The following ADAMTS6 variants were observed in gnomAD, a reference collection of about 807,000 sequenced individuals.
ADAMTS6 encodes the protein A disintegrin and metalloproteinase with thrombospondin motifs 6.
In ADAMTS6, 23 loss-of-function variants were observed where a neutral mutation model predicts 144.3. The observed-to-expected ratio is 0.16, with a 90% confidence interval of 0.11 to 0.23. ADAMTS6 has a LOEUF of 0.23. ADAMTS6 is among the 10% of genes least tolerant of loss of function. The pLI is 1.00. For synonymous variants in ADAMTS6, 444 were observed against 457.5 expected, an observed-to-expected ratio of 0.97 and a Z score of 0.38; for missense variants, 999 against 1,379.6, an observed-to-expected ratio of 0.72 and a Z score of 4.37.
chr5:65,166,996 T>A (rs928522392), intron 24 of ADAMTS6, among the ~76,000 whole-genome samples: 1 of 145,678 alleles, frequency 6.9e-6, no homozygotes. Context: ...AGCAAACACA[T>A]TCAAAAGCTA....
chr5:65,297,338 T>C (rs541636240), intron 10 of ADAMTS6: 3 of 433,004 alleles, frequency 6.9e-6, no homozygotes, highest in South Asian at 5.0e-5. Flanking sequence ...TTGTATTCTA[T>C]TGGCCATGGA....
intron 7 of ADAMTS6, among the ~76,000 whole-genome samples, chr5:65,379,486 A>G (rs1751844993): frequency 6.6e-6 from 1 of 152,210 alleles, no homozygotes; most frequent in Admixed American, 6.5e-5. Flanking sequence ...GCTTTGCCAT[A>G]TAAATTATGT....
intron 20 of ADAMTS6, chr5:65,210,822 C>A: frequency 2.2e-6 from 1 of 458,840 alleles, no homozygotes; most frequent in South Asian, 3.1e-5. Context: ...TAACTCCAGA[C>A]ATGATGGGGA....
At chr5:65,321,343 T>C (rs1248606374) in intron 9 of ADAMTS6, among the ~76,000 whole-genome samples, 1 of 152,142 alleles carries the variant, frequency 6.6e-6, no homozygotes, top group Non-Finnish European at 1.5e-5. Flanking sequence ...ATGTATGTCT[T>C]GTTTGAAGTG....
At chr5:65,371,639 G>A (rs1390369470) in intron 7 of ADAMTS6, among the ~76,000 whole-genome samples, 7 of 152,256 alleles carry the variant, frequency 4.6e-5, no homozygotes, top group Admixed American at 3.3e-4. Flanking sequence ...CCAAATCTAC[G>A]TCTGATTGGT....
At chr5:65,480,152 C>G (rs1761103282) in intron 1 of ADAMTS6, among the ~76,000 whole-genome samples, 1 of 152,110 alleles carries the variant, frequency 6.6e-6, no homozygotes, top group Non-Finnish European at 1.5e-5. Flanking sequence ...ACATTTCAGT[C>G]TAATCAACAG....
At chr5:65,220,308 C>G (rs918818660) in intron 18 of ADAMTS6, among the ~76,000 whole-genome samples, 5 of 151,782 alleles carry the variant, frequency 3.3e-5, no homozygotes, top group Non-Finnish European at 7.4e-5. Flanking sequence ...TATCATATGT[C>G]TGACAAAATT....
chr5:65,436,998 C>T (rs1757470469), intron 7 of ADAMTS6, among the ~76,000 whole-genome samples: 2 of 152,156 alleles, frequency 1.3e-5, no homozygotes, highest in Admixed American at 1.3e-4. Flanking sequence ...ACTTACAGTT[C>T]CACATGGCCG....
At chr5:65,156,329 AAAAC>A (rs1046054518) in intron 24 of ADAMTS6, among the ~76,000 whole-genome samples, 7 of 152,138 alleles carry the variant, frequency 4.6e-5, no homozygotes, top group African/African-American at 1.7e-4. Flanking sequence ...AAAACAAAAC[AAAAC>A]AAACAAAAAA....
At chr5:65,415,836 G>A (rs1755463483) in intron 7 of ADAMTS6, 2 of 242,956 alleles carry the variant, frequency 8.2e-6, no homozygotes, top group South Asian at 9.4e-5. Context: ...TTGTCCCTGT[G>A]TGCACAGGCT....
At chr5:65,191,203 G>T (rs1051305471) in intron 21 of ADAMTS6, among the ~76,000 whole-genome samples, 1 of 151,956 alleles carries the variant, frequency 6.6e-6, no homozygotes, top group African/African-American at 2.4e-5. Flanking sequence ...ACAATTAGTG[G>T]GATTCATGTT....
intron 7 of ADAMTS6, among the ~76,000 whole-genome samples, chr5:65,421,031 G>C (rs544966244): frequency 6.6e-6 from 1 of 152,162 alleles, no homozygotes; most frequent in African/African-American, 2.4e-5. Flanking sequence ...GCCAATGTGT[G>C]TATCTTTTAA....
chr5:65,279,299 T>G (rs1762807269), intron 11 of ADAMTS6, among the ~76,000 whole-genome samples: 1 of 151,812 alleles, frequency 6.6e-6, no homozygotes, highest in African/African-American at 2.4e-5. Context: ...TTGGGACAAT[T>G]TCATCACTGT....
In ADAMTS6 at chr5:65,290,014, T is replaced by C. The variant is rs148796489; in HGVS notation, c.1512+1315A>G. On this transcript the variant is annotated intron_variant, in intron 11 of 24. Transcript: ENST00000381055. ...AATAAGATTAAGGATAAGCCAAAGT[T>C]TTACACAAGGTTCTACATATCATAT... 2.6e-3 allele frequency among the ~76,000 whole-genome samples: 396 copies of C among 152,152 alleles called. 3 individuals carry two copies. The highest frequency in any genetic ancestry group is 9.1e-3 in the African/African-American group (376 of 41,516).
chr5:65,454,267 T>C (rs2150253356), intron 4 of ADAMTS6, among the ~76,000 whole-genome samples: 1 of 152,340 alleles, frequency 6.6e-6, no homozygotes, highest in Non-Finnish European at 1.5e-5. Flanking sequence ...GTCTCAGGTA[T>C]TCTGTTACAG....
At chr5:65,457,353 T>C (rs1204899633) in intron 4 of ADAMTS6, among the ~76,000 whole-genome samples, 1 of 152,122 alleles carries the variant, frequency 6.6e-6, no homozygotes, top group Non-Finnish European at 1.5e-5. Context: ...AAATGGCAAG[T>C]GAATTAAAAA....
At chr5:65,395,043 A>G (rs1753222552) in intron 7 of ADAMTS6, among the ~76,000 whole-genome samples, 1 of 152,056 alleles carries the variant, frequency 6.6e-6, no homozygotes, top group African/African-American at 2.4e-5. Context: ...ATTTAATTCA[A>G]GCAAGTAGAA....
intron 11 of ADAMTS6, among the ~76,000 whole-genome samples, chr5:65,275,353 G>GAGAAAGAAAGAAAGAAAGAA (rs71693940): frequency 1.4e-4 from 12 of 87,108 alleles, no homozygotes; most frequent in East Asian, 6.6e-4. Context: ...AAAGAAAGAA[G>GAGAAAGAAAGAAAGAAAGAA]AGAAAGAAAG....
At chr5:65,221,212 A>C (rs1010663255) in intron 18 of ADAMTS6, among the ~76,000 whole-genome samples, 1 of 152,210 alleles carries the variant, frequency 6.6e-6, no homozygotes, top group Non-Finnish European at 1.5e-5. Context: ...CTAGAAAAAT[A>C]TCTCTCATGA....
Sources: gnomAD v4.1 joint callset for allele counts (sites outside exome capture counted in the v4.1 genomes callset) on GRCh38, gnomAD v4.1.1 for gene constraint, MANE v1.5 for transcripts, NCBI Gene and HGNC (gene_info 2026-07-23, HGNC 2026-07-21) for gene names.